Variants in IGSF11 observed in about 807,000 individuals in gnomAD.
IGSF11 encodes the protein immunoglobulin superfamily member 11, also known as CXADR like 1.
IGSF11 carries 22 observed loss-of-function variants against 41.0 expected under a neutral mutation model. That is an observed-to-expected ratio of 0.54 (90% confidence interval 0.38 to 0.77). IGSF11 has a LOEUF of 0.77. Among genes scored for constraint, IGSF11 ranks in the 30% least tolerant of loss-of-function variants. The pLI is 0.00. For missense variants in IGSF11, 444 were observed against 530.8 expected, an observed-to-expected ratio of 0.84 and a Z score of 1.61; for synonymous variants, 219 against 201.3, an observed-to-expected ratio of 1.09 and a Z score of -0.74.
At chr3:118,939,393 T>A (rs1393336414) in intron 1 of IGSF11, among the ~76,000 whole-genome samples, 1 of 151,982 alleles carries the variant, frequency 6.6e-6, no homozygotes, top group Admixed American at 6.6e-5. Context: ...CTGGCCAACA[T>A]GGCGAAACCC....
rs565089341 is a variant in IGSF11 at position 119,014,301 on chromosome 3, G to T, written c.52+20230C>A. 6.6e-5 allele frequency among the ~76,000 whole-genome samples: 10 copies of T among 152,258 alleles called. 1 individual carries two copies. The South Asian group carries it at 2.1e-3, about 32-fold the overall frequency. ...TCTGGAATACAATGGCATGACAGAG[G>T]CATAAAAAGGTAGCTACAGGCAATG... On this transcript the variant is annotated intron_variant, in intron 1 of 6. Transcript: ENST00000393775.
At position 118,902,812 on chromosome 3, in the gene IGSF11, A is replaced by C. The variant is rs753309777; in HGVS notation, c.1004T>G (p.Val335Gly). ...NPKVHRNTES[V>G]SHFSDLGQSF... ...TTGGCCCAAGTCACTGAAGTGGCTG[A>C]CTGACTCTGTGTTTCTATGAACTTT... The change falls in exon 7 of 7, where the codon GTC (valine) becomes GGC (glycine). Residue 335 changes from valine (V) to glycine (G), a missense_variant. Coordinates refer to ENST00000393775, the MANE Select transcript of IGSF11 (RefSeq NM_001015887.3). 6.2e-7 allele frequency: 1 copy of C among 1,614,176 alleles called. No individual in the cohort carries two copies. Among genetic ancestry groups the C allele is most frequent in the African/African-American group, 1.3e-5 (1 of 75,038 alleles).
rs746671175 is a variant in IGSF11 at position 118,977,881 on chromosome 3, G to A, written c.53-47606C>T. On this transcript the variant is annotated intron_variant, in intron 1 of 6. Coordinates refer to ENST00000393775, the MANE Select transcript of IGSF11 (RefSeq NM_001015887.3). Reference sequence around the variant, plus strand: ...AAGAGCCTAGCCCACAATGGACTACGTCCTGCCCTGCAACCAGGCCCAGGT... The same window carrying A: ...AAGAGCCTAGCCCACAATGGACTACATCCTGCCCTGCAACCAGGCCCAGGT... Among the ~76,000 whole-genome samples the A allele has an allele frequency of 5.3e-5, 8 of 152,112 alleles. No individual in the cohort carries two copies. In the East Asian group the frequency reaches 5.8e-4, roughly 11 times the overall value.
At chr3:119,125,463 C>T (rs1457869090) in intron 1 of IGSF11, among the ~76,000 whole-genome samples, 3 of 151,846 alleles carry the variant, frequency 2.0e-5, no homozygotes, top group Non-Finnish European at 4.4e-5. Context: ...AGGGGATGGA[C>T]GTTACAAAGT....
intron 1 of IGSF11, among the ~76,000 whole-genome samples, chr3:118,954,894 A>T (rs1485067711): frequency 6.6e-6 from 1 of 151,396 alleles, no homozygotes; most frequent in Non-Finnish European, 1.5e-5. Context: ...TGGCCATAAT[A>T]AAAAAAATAG....
intron 1 of IGSF11, among the ~76,000 whole-genome samples, chr3:119,096,885 A>G (rs2076860934): frequency 6.6e-6 from 1 of 152,190 alleles, no homozygotes; most frequent in Admixed American, 6.5e-5. Context: ...ACTTCTTGTA[A>G]TGCATACCAT....
At chr3:118,973,191 C>T (rs1933654503) in intron 1 of IGSF11, among the ~76,000 whole-genome samples, 1 of 152,190 alleles carries the variant, frequency 6.6e-6, no homozygotes, top group Non-Finnish European at 1.5e-5. Flanking sequence ...AGCCAGGCCT[C>T]TCTTGCCCAT....
intron 1 of IGSF11, among the ~76,000 whole-genome samples, chr3:119,022,910 G>C (rs1425815866): frequency 1.3e-5 from 2 of 151,796 alleles, no homozygotes; most frequent in African/African-American, 4.8e-5. Context: ...TGCATCAAAA[G>C]ACACACACAA....
intron 1 of IGSF11, among the ~76,000 whole-genome samples, chr3:119,136,661 C>T (rs1367437579): frequency 6.6e-6 from 1 of 152,076 alleles, no homozygotes; most frequent in African/African-American, 2.4e-5. Flanking sequence ...AACATGGGAG[C>T]ACTCATATGT....
chr3:119,143,831 T>C (rs1366746492), intron 1 of IGSF11, among the ~76,000 whole-genome samples: 4 of 152,142 alleles, frequency 2.6e-5, no homozygotes, highest in African/African-American at 7.2e-5. Context: ...TCAGACAAAA[T>C]AGACTTTAAG....
chr3:119,067,997 T>A (rs1449932353), intron 1 of IGSF11, among the ~76,000 whole-genome samples: 2 of 152,248 alleles, frequency 1.3e-5, no homozygotes, highest in Admixed American at 1.3e-4. Flanking sequence ...ATATCCCTAG[T>A]AGATTCTAAT....
At chr3:119,070,137 A>G (rs1344154467) in intron 1 of IGSF11, among the ~76,000 whole-genome samples, 1 of 152,124 alleles carries the variant, frequency 6.6e-6, no homozygotes, top group East Asian at 1.9e-4. Flanking sequence ...CTCATGCTTT[A>G]CTCCCTTTAT....
chr3:118,912,262 CT>C (rs1940422556), intron 4 of IGSF11, among the ~76,000 whole-genome samples: 1 of 152,048 alleles, frequency 6.6e-6, no homozygotes, highest in Non-Finnish European at 1.5e-5. Context: ...CTCAGCTTTC[CT>C]TTCTGAGTTC....
intron 1 of IGSF11, among the ~76,000 whole-genome samples, chr3:119,027,423 T>A (rs1939928610): frequency 6.6e-6 from 1 of 152,136 alleles, no homozygotes; most frequent in Non-Finnish European, 1.5e-5. Context: ...GATATCACAA[T>A]AAATGAGATG....
chr3:119,130,158 T>C (rs2077459712), intron 1 of IGSF11, among the ~76,000 whole-genome samples: 1 of 152,278 alleles, frequency 6.6e-6, no homozygotes, highest in East Asian at 1.9e-4. Context: ...AGATAGGTGA[T>C]TTCTGCATTT....
At chr3:118,907,258 C>A (rs1288620407) in intron 4 of IGSF11, among the ~76,000 whole-genome samples, 1 of 152,142 alleles carries the variant, frequency 6.6e-6, no homozygotes, top group Non-Finnish European at 1.5e-5. Flanking sequence ...AAAAGCAGAT[C>A]TGAGTAAAGT....
At chr3:119,144,847 G>A (rs534740470) in intron 1 of IGSF11, among the ~76,000 whole-genome samples, 1 of 151,924 alleles carries the variant, frequency 6.6e-6, no homozygotes, top group Non-Finnish European at 1.5e-5. Flanking sequence ...TTTTCTTTAC[G>A]CTTTCTTTTT....
At chr3:119,045,976 C>A (rs576825252) in intron 1 of IGSF11, among the ~76,000 whole-genome samples, 2,444 of 151,842 alleles carry the variant, frequency 0.016, 64 homozygotes, top group African/African-American at 0.056. Context: ...AAGACATCCA[C>A]ACCAAAAACC....
At position 118,914,199 on chromosome 3, in the gene IGSF11, T is replaced by C. The variant is rs975535604; in HGVS notation, c.581-8481A>G. On this transcript the variant is annotated intron_variant, in intron 4 of 6. Transcript: ENST00000393775. Reference sequence around the variant, plus strand: ...ATATTCAAATAATCAGTAGAAGATATGGGAAGAGGGGGCATAAAGAAAAAA... The same window carrying C: ...ATATTCAAATAATCAGTAGAAGATACGGGAAGAGGGGGCATAAAGAAAAAA... Among the ~76,000 whole-genome samples, 18 of 152,158 alleles carry C rather than the reference T, an allele frequency of 1.2e-4. No individual in the cohort carries two copies. In the East Asian group the frequency reaches 3.3e-3, roughly 28 times the overall value.
Sources: allele counts gnomAD v4.1 joint callset (sites outside exome capture counted in the v4.1 genomes callset), GRCh38; gene constraint gnomAD v4.1.1; transcripts MANE v1.5; gene names NCBI Gene and HGNC (gene_info 2026-07-23, HGNC 2026-07-21).